The following SEPTIN6 variants were observed in gnomAD, a reference collection of about 807,000 sequenced individuals.
SEPTIN6 encodes septin 6.
Under a neutral mutation model 33.6 loss-of-function variants are expected in SEPTIN6, and 8 were observed. The ratio of observed to expected loss-of-function variants is 0.24; its 90% CI spans 0.14 to 0.43. The LOEUF (loss-of-function observed/expected upper bound fraction) is 0.43, where lower values mean the gene tolerates loss of function less well. Ranked by LOEUF, SEPTIN6 falls within the 20% of genes least tolerant of loss-of-function variation. SEPTIN6 has a pLI of 1.00. For missense variants in SEPTIN6, 250 were observed against 340.8 expected, an observed-to-expected ratio of 0.73 and a Z score of 2.10; for synonymous variants, 131 against 140.0, an observed-to-expected ratio of 0.94 and a Z score of 0.45.
rs1569422362 is a variant in SEPTIN6 at position 119,632,386 on chromosome X, C to T, written c.1089+974G>A. Among the ~76,000 whole-genome samples, 5 of 109,438 alleles carry T rather than the reference C, an allele frequency of 4.6e-5. No homozygotes were observed. The South Asian group carries it at 1.2e-3, about 26-fold the overall frequency. ...AATTTTTTTGTATTTTTAGTAGAGA[C>T]GGGGTTTCACCGTGTTAGGCAGGAT... is the stretch of plus-strand genomic sequence containing the variant. On this transcript the variant is annotated intron_variant, in intron 8 of 10. Coordinates refer to ENST00000394610, the MANE Select transcript of SEPTIN6 (RefSeq NM_145799.4).
At chrX:119,635,075 G>T (rs1285660789) in intron 7 of SEPTIN6, 4 of 344,256 alleles carry the variant, frequency 1.2e-5, no homozygotes. Flanking sequence ...TTAAGGGCTG[G>T]GAGGGAATGG....
chrX:119,686,508 T>C, intron 1 of SEPTIN6: 4 of 710,642 alleles, frequency 5.6e-6, no homozygotes, highest in East Asian at 8.3e-5. Context: ...ATTCAGCAGA[T>C]GGCTGCCTCT....
At chrX:119,673,547 A>G (rs2054784570) in intron 2 of SEPTIN6, among the ~76,000 whole-genome samples, 1 of 111,165 alleles carries the variant, frequency 9.0e-6, no homozygotes, top group Admixed American at 9.7e-5. Flanking sequence ...AAAGAGCCCA[A>G]GAAAATGAAT....
intron 10 of SEPTIN6, among the ~76,000 whole-genome samples, chrX:119,621,685 T>A (rs1198381622): frequency 9.2e-6 from 1 of 108,475 alleles, no homozygotes; most frequent in Admixed American, 1.0e-4. Flanking sequence ...AGAGACAGGG[T>A]TTCACCATGT....
intron 2 of SEPTIN6, among the ~76,000 whole-genome samples, chrX:119,664,384 T>C (rs936828354): frequency 1.8e-5 from 2 of 112,062 alleles, no homozygotes; most frequent in African/African-American, 6.5e-5. Flanking sequence ...AAATACAATA[T>C]ACTCTTACCA....
intron 2 of SEPTIN6, among the ~76,000 whole-genome samples, chrX:119,674,472 C>T (rs989791621): frequency 8.0e-5 from 9 of 112,320 alleles, no homozygotes; most frequent in Non-Finnish European, 1.9e-5. Flanking sequence ...CCACCGTGCC[C>T]GGCCGAAGAT....
At chrX:119,664,831 A>C (rs1603344898) in intron 2 of SEPTIN6, among the ~76,000 whole-genome samples, 1 of 77,542 alleles carries the variant, frequency 1.3e-5, no homozygotes. Context: ...AGAGAGTGAG[A>C]CTCCATCTCA....
chrX:119,688,933 G>A (rs780196603), intron 1 of SEPTIN6, among the ~76,000 whole-genome samples: 1 of 110,970 alleles, frequency 9.0e-6, no homozygotes, highest in South Asian at 3.8e-4. Context: ...GTGGGTGGTG[G>A]TAGGAACGCC....
chrX:119,666,333 G>A (rs1276946562), intron 2 of SEPTIN6, among the ~76,000 whole-genome samples: 1 of 112,069 alleles, frequency 8.9e-6, no homozygotes, highest in African/African-American at 3.2e-5. Context: ...GCACACATCT[G>A]CAGGGTGGTT....
At chrX:119,658,388 C>T (rs763071540) in intron 3 of SEPTIN6, among the ~76,000 whole-genome samples, 3 of 111,900 alleles carry the variant, frequency 2.7e-5, no homozygotes, top group African/African-American at 9.7e-5. Flanking sequence ...ATTAAACTGC[C>T]AAACACAATT....
chrX:119,632,971 T>C (rs1843353947), intron 8 of SEPTIN6, among the ~76,000 whole-genome samples: 1 of 112,758 alleles, frequency 8.9e-6, no homozygotes, highest in South Asian at 3.6e-4. Context: ...CTGAAGATAA[T>C]GGCTCCCAGC....
intron 2 of SEPTIN6, among the ~76,000 whole-genome samples, chrX:119,670,102 C>T (rs989790143): frequency 2.7e-5 from 3 of 111,538 alleles, no homozygotes; most frequent in African/African-American, 9.8e-5. Flanking sequence ...TGTACTGCAT[C>T]TAGGATCAGG....
At chrX:119,682,618 G>A (rs1467729829) in intron 1 of SEPTIN6, among the ~76,000 whole-genome samples, 3 of 111,395 alleles carry the variant, frequency 2.7e-5, no homozygotes, top group Non-Finnish European at 5.7e-5. Flanking sequence ...TATTCGTAAG[G>A]TTCATATTAT....
At chrX:119,685,163 T>C (rs2055035428) in intron 1 of SEPTIN6, among the ~76,000 whole-genome samples, 1 of 112,140 alleles carries the variant, frequency 8.9e-6, no homozygotes, top group Non-Finnish European at 1.9e-5. Flanking sequence ...CAGGATTCCA[T>C]TAAGTAGCCG....
chrX:119,624,153 T>G lies in SEPTIN6; in HGVS notation c.*41+1182A>C, dbSNP rs762283999. 7.1e-4 allele frequency: 166 copies of G among 234,607 alleles called. 1 individual carries two copies. The highest frequency in any genetic ancestry group is 1.2e-3 in the African/African-American group (29 of 25,000). 19.3% of individuals were successfully genotyped at this position (234,607 alleles called of 1,213,427 possible). On this transcript the variant is annotated intron_variant, in intron 10 of 10. Coordinates refer to ENST00000394610, the MANE Select transcript of SEPTIN6 (RefSeq NM_145799.4). ...TCCGCTTTTATTATGGGTTTTTTTT[T>G]TTTGTTTTTTTTTTTGTTTGTTTGT...
At chrX:119,635,102 A>C (rs1360899373) in intron 7 of SEPTIN6, 1 of 354,390 alleles carries the variant, frequency 2.8e-6, no homozygotes, top group Non-Finnish European at 5.5e-6. Flanking sequence ...CAGTAAGGGA[A>C]GCAGAACTCC....
At chrX:119,633,269 A>G in intron 8 of SEPTIN6, 91 bp downstream of exon 8, 1 of 882,446 alleles carries the variant, frequency 1.1e-6, no homozygotes, top group Non-Finnish European at 1.6e-6. Context: ...TTACATTCAC[A>G]CCAACAGTGT....
intron 3 of SEPTIN6, among the ~76,000 whole-genome samples, chrX:119,661,410 A>G (rs1009808427): frequency 2.7e-5 from 3 of 111,406 alleles, no homozygotes; most frequent in Admixed American, 9.6e-5. Flanking sequence ...CAGCCTGGGC[A>G]ACAGAGCGAG....
intron 3 of SEPTIN6, among the ~76,000 whole-genome samples, chrX:119,653,926 A>G (rs2054391355): frequency 9.1e-6 from 1 of 110,494 alleles, no homozygotes; most frequent in Non-Finnish European, 1.9e-5. Context: ...AAAATTAGCC[A>G]GCTGTGGTAG....
Sources: gnomAD v4.1 joint callset for allele counts (sites outside exome capture counted in the v4.1 genomes callset) on GRCh38, gnomAD v4.1.1 for gene constraint, MANE v1.5 for transcripts, NCBI Gene and HGNC (gene_info 2026-07-23, HGNC 2026-07-21) for gene names.